Variants in KRT222 observed in about 807,000 individuals in gnomAD.
The protein encoded by KRT222 is keratin 222.
KRT222 carries 23 observed loss-of-function variants against 35.0 expected under a neutral mutation model. The observed-to-expected ratio is 0.66, with a 90% confidence interval of 0.47 to 0.93. The LOEUF (loss-of-function observed/expected upper bound fraction) is 0.93, where lower values mean the gene tolerates loss of function less well. Among genes scored for constraint, KRT222 ranks in the 40% least tolerant of loss-of-function variants. KRT222 has a pLI of 0.00. For missense variants in KRT222, 339 were observed against 346.3 expected (o/e 0.98, Z 0.17); for synonymous variants, 108 against 118.8 (o/e 0.91, Z 0.59).
At chr17:40,662,148 G>T in intron 1 of KRT222, 104 bp from the exon 2 acceptor site, 1 of 1,424,162 alleles carries the variant, frequency 7.0e-7, no homozygotes, top group South Asian at 1.4e-5. Context: ...AGGAATCAAA[G>T]CATTTTTCCT....
intron 2 of KRT222, 130 bp downstream of exon 2, chr17:40,661,786 C>T: frequency 8.6e-7 from 1 of 1,162,772 alleles, no homozygotes. Context: ...AAACTAGGAT[C>T]AGGGATAGAA....
At chr17:40,664,926 G>C (rs780843665) in intron 1 of KRT222, 78 bp downstream of exon 1, 1 of 1,605,266 alleles carries the variant, frequency 6.2e-7, no homozygotes, top group South Asian at 1.1e-5. Context: ...CTGTACCTCA[G>C]AGAGGCCGGG....
At chr17:40,660,315 C>T in intron 2 of KRT222, 108 bp from the exon 3 acceptor site, 1 of 874,358 alleles carries the variant, frequency 1.1e-6, no homozygotes. Context: ...GAGTCTCACC[C>T]TGTTGCCCAG....
In KRT222 at chr17:40,660,067, G is replaced by A. The variant is rs1373424516; in HGVS notation, c.366C>T (p.His122=). ...TCATCTTCGTGTTGAGAAGCATCTC[G>A]TGCTCTTGAAGCTGCTTTTCGATGC... ...RRGIEKQLQE[H]EMLLNTKMRL... is the part of the protein sequence containing the mutation. The change falls in exon 3 of 6, where the codon CAC becomes CAT. Residue 122 remains histidine (H), a synonymous_variant. Transcript: ENST00000394052. 7 of 1,613,904 alleles carry A rather than the reference G, an allele frequency of 4.3e-6. No individual in the cohort carries two copies. Among genetic ancestry groups the A allele is most frequent in the Middle Eastern group, 1.6e-4 (1 of 6,084 alleles).
At chr17:40,664,087 T>G (rs543328704) in intron 1 of KRT222, among the ~76,000 whole-genome samples, 31 of 152,304 alleles carry the variant, frequency 2.0e-4, no homozygotes, top group Middle Eastern at 3.4e-3. Flanking sequence ...CCAATTTTTT[T>G]TTTTAAAATT....
rs1342684198 is a variant in KRT222 at position 40,665,115 on chromosome 17, C to T, written c.-16G>A. 6.2e-7 allele frequency: 1 copy of T among 1,613,078 alleles called. No homozygotes were observed. Among genetic ancestry groups the T allele is most frequent in the Non-Finnish European group, 8.5e-7 (1 of 1,179,624 alleles). On this transcript the variant is annotated 5_prime_UTR_variant, in exon 1 of 6. Transcript: ENST00000394052. ...ACAGTTCCATTCTTTTCCCATCCTC[C>T]ACCTTGGCTAACTGAACCTTATCGA...
At position 40,657,736 on chromosome 17, in the gene KRT222, A is replaced by G; in HGVS notation, c.461T>C (p.Ile154Thr). Reference sequence around the variant, plus strand: ...CTTTTTGTCTTTTTTCCCACCTTGGATACAACCATAATATCTGAAATCAGA... The same window carrying G: ...CTTTTTGTCTTTTTTCCCACCTTGGGTACAACCATAATATCTGAAATCAGA... ...EKEEIRYYGC[I>T]QGGKKDKKPT... Residue 154 changes from isoleucine to threonine, a missense_variant, in exon 4 of 6, where the codon ATC becomes ACC. By Grantham distance (89) the Ile-to-Thr change is moderately conservative (BLOSUM62 -1). Transcript: ENST00000394052. The G allele has an allele frequency of 1.2e-6, 2 of 1,611,482 alleles. No individual in the cohort carries two copies. The highest frequency in any genetic ancestry group is 2.2e-5 in the South Asian group (2 of 90,892).
intron 4 of KRT222, 73 bp from the exon 5 acceptor site, chr17:40,657,560 T>C: frequency 1.4e-6 from 2 of 1,462,738 alleles, no homozygotes; most frequent in East Asian, 4.8e-5. Context: ...TTCAAACTTT[T>C]ATTCAAATAT....
rs866940160 is a variant in KRT222, at chr17:40,662,965, G to A, written c.97-921C>T. ...ATACATTAGATTTTTTTAAAAAAAC[G>A]TTGAAGTAAATGAAAGTTTATGAAT... On this transcript the variant is annotated intron_variant, in intron 1 of 5. Transcript: ENST00000394052. Among the ~76,000 whole-genome samples, 10 of 151,818 alleles carry A rather than the reference G, an allele frequency of 6.6e-5. No individual in the cohort carries two copies. The South Asian group carries it at 1.2e-3, about 19-fold the overall frequency.
At chr17:40,659,955 C>T (rs1258076006) in intron 3 of KRT222, 32 bp downstream of exon 3, 8 of 1,568,048 alleles carry the variant, frequency 5.1e-6, no homozygotes, top group Non-Finnish European at 7.0e-6. Flanking sequence ...GTATTTCTGG[C>T]CCCTTGTCAT....
intron 3 of KRT222, 104 bp from the exon 4 acceptor site, chr17:40,657,854 A>G (rs757115124): frequency 6.3e-5 from 46 of 733,560 alleles, no homozygotes; most frequent in Admixed American, 3.2e-4. Context: ...TAGAAACACT[A>G]TTTAACTGAA....
intron 2 of KRT222, among the ~76,000 whole-genome samples, 157 bp downstream of exon 2, chr17:40,661,759 G>C (rs1015856404): frequency 6.6e-6 from 1 of 152,210 alleles, no homozygotes; most frequent in African/African-American, 2.4e-5. Flanking sequence ...CCACAATGGA[G>C]GGAGGGGTGA....
In KRT222 at chr17:40,657,709, G is replaced by A; in HGVS notation, c.488C>T (p.Pro163Leu). 1.2e-6 allele frequency: 2 copies of A among 1,612,590 alleles called. No homozygotes were observed. Among genetic ancestry groups the A allele is most frequent in the Non-Finnish European group, 1.7e-6 (2 of 1,179,262 alleles). The change falls in exon 4 of 6, where the codon CCT becomes CTT. Residue 163 changes from proline (P) to leucine (L), a missense_variant. Pro to Leu is a moderately conservative substitution (Grantham distance 98). Coordinates refer to ENST00000394052, the MANE Select transcript of KRT222 (RefSeq NM_152349.3). Reference protein sequence around the residue: ...CIQGGKKDKKPTTSRVGFVLP... With the variant: ...CIQGGKKDKKLTTSRVGFVLP... ...AACAAAACCAACTCTACTTGTGGTA[G>A]GCTTTTTGTCTTTTTTCCCACCTTG...
chr17:40,664,482 G>A (rs1388893188), intron 1 of KRT222, among the ~76,000 whole-genome samples: 1 of 152,104 alleles, frequency 6.6e-6, no homozygotes, highest in South Asian at 2.1e-4. Flanking sequence ...GTTTCTGAAT[G>A]CCATGTTCAC....
chr17:40,661,806 C>T, intron 2 of KRT222, 110 bp downstream of exon 2: 2 of 1,373,464 alleles, frequency 1.5e-6, no homozygotes, highest in Non-Finnish European at 2.0e-6. Context: ...ATTCAGTGGC[C>T]TTGATTTCCA....
intron 2 of KRT222, 43 bp downstream of exon 2, chr17:40,661,873 T>TC: frequency 2.5e-6 from 4 of 1,600,366 alleles, no homozygotes; most frequent in Non-Finnish European, 3.4e-6. Context: ...TCAAATCACA[T>TC]CTGAGGACTC....
chr17:40,663,278 C>G (rs972169926), intron 1 of KRT222, among the ~76,000 whole-genome samples: 1 of 152,150 alleles, frequency 6.6e-6, no homozygotes, highest in Non-Finnish European at 1.5e-5. Flanking sequence ...TAGGGTGATC[C>G]CCTTCTACAT....
rs971857571 is a variant in KRT222 at position 40,655,441 on chromosome 17, C to T, written c.*961G>A. The T allele has an allele frequency of 6.6e-6, 1 of 152,022 alleles. No homozygotes were observed. Among genetic ancestry groups the T allele is most frequent in the Admixed American group, 6.5e-5 (1 of 15,288 alleles). The allele number at this position is 152,022 out of a possible 1,614,324, so 9.4% of individuals were successfully genotyped here. On this transcript the variant is annotated 3_prime_UTR_variant, in exon 6 of 6. Transcript: ENST00000394052. The stretch of plus-strand genomic sequence containing the variant: ...ATACTCTTAGCTTAGATAACAATAC[C>T]GTTATCTTAGTTCACATAAATGATT...
At position 40,655,040 on chromosome 17, in the gene KRT222, T is replaced by TAC. The variant is rs1428272216; in HGVS notation, c.*1361_*1362insGT. 4.1e-5 allele frequency: 6 copies of TAC among 146,752 alleles called. No homozygotes were observed. Among genetic ancestry groups the TAC allele is most frequent in the East Asian group, 2.0e-4 (1 of 5,096 alleles). The allele number at this position is 146,752 out of a possible 1,614,324, so 9.1% of individuals were successfully genotyped here. A position where few individuals can be genotyped will look rare whatever the true frequency, so the allele number is the denominator to read the frequency against. On this transcript the variant is annotated 3_prime_UTR_variant, in exon 6 of 6. Coordinates refer to ENST00000394052, the MANE Select transcript of KRT222 (RefSeq NM_152349.3). ...TTTCTGGTTGAAATATATATATACA[T>TAC]ATATATAAATTATATATATGTATAT...
Sources: allele counts gnomAD v4.1 joint callset (sites outside exome capture counted in the v4.1 genomes callset), GRCh38; gene constraint gnomAD v4.1.1; transcripts MANE v1.5; gene names NCBI Gene and HGNC (gene_info 2026-07-23, HGNC 2026-07-21).